Variants in PPARGC1B observed in about 807,000 individuals in gnomAD.
PPARGC1B encodes the protein PPARG coactivator 1 beta, also known as peroxisome proliferator-activated receptor gamma coactivator 1-beta.
Under a neutral mutation model 101.6 loss-of-function variants are expected in PPARGC1B, and 34 were observed. The ratio of observed to expected loss-of-function variants is 0.33; its 90% CI spans 0.25 to 0.45. The LOEUF is 0.45. Ranked by LOEUF, PPARGC1B falls within the 20% of genes least tolerant of loss-of-function variation. The pLI is 1.00. For synonymous variants in PPARGC1B, 548 were observed against 539.3 expected, an observed-to-expected ratio of 1.02 and a Z score of -0.22; for missense variants, 1,234 against 1,317.6, an observed-to-expected ratio of 0.94 and a Z score of 0.98.
chr5:149,756,700 T>C (rs909541760), intron 1 of PPARGC1B, among the ~76,000 whole-genome samples: 1 of 152,150 alleles, frequency 6.6e-6, no homozygotes, highest in Non-Finnish European at 1.5e-5. Context: ...ACTCTGCAGA[T>C]CACTTTCAGT....
At chr5:149,809,836 G>T (rs1165468062) in intron 1 of PPARGC1B, among the ~76,000 whole-genome samples, 1 of 152,110 alleles carries the variant, frequency 6.6e-6, no homozygotes, top group Non-Finnish European at 1.5e-5. Flanking sequence ...TGCTAGGTAG[G>T]CCAGAGACGG....
rs1261453245 is a variant in PPARGC1B at position 149,783,090 on chromosome 5, A to AG, written c.79-37343_79-37342insG. 2.7e-4 allele frequency among the ~76,000 whole-genome samples: 28 copies of AG among 103,218 alleles called. No individual in the cohort carries two copies. The East Asian group carries it at 5.0e-3, about 18-fold the overall frequency. 67.7% of individuals were successfully genotyped at this position (103,218 alleles called of 152,430 possible). ...TTGATGTCACACTGGAATGAGAGATAAAGAGAGAGAGAGAGAGAGATTGTT... is the reference window on the plus strand; with the variant it reads ...TTGATGTCACACTGGAATGAGAGATAGAAGAGAGAGAGAGAGAGAGATTGTT... On this transcript the variant is annotated intron_variant, in intron 1 of 11. Coordinates refer to ENST00000309241, the MANE Select transcript of PPARGC1B (RefSeq NM_133263.4).
chr5:149,814,883 G>T (rs1757994896), intron 1 of PPARGC1B, among the ~76,000 whole-genome samples: 1 of 152,236 alleles, frequency 6.6e-6, no homozygotes, highest in Non-Finnish European at 1.5e-5. Context: ...ACGGCAGGGG[G>T]TGAGCAGGCA....
chr5:149,815,294 G>A (rs1758011400), intron 1 of PPARGC1B, among the ~76,000 whole-genome samples: 1 of 152,168 alleles, frequency 6.6e-6, no homozygotes, highest in Non-Finnish European at 1.5e-5. Context: ...GGTCATTAGG[G>A]TGGGCCCTCA....
chr5:149,750,453 A>AATATAT (rs55971526), intron 1 of PPARGC1B, among the ~76,000 whole-genome samples: 1,285 of 123,006 alleles, frequency 0.01, 22 homozygotes, highest in Non-Finnish European at 0.016. Flanking sequence ...TTTTAGTTAA[A>AATATAT]ATATATATAT....
rs1194287012 is a variant in PPARGC1B at position 149,730,449 on chromosome 5, G to A, written c.78+29G>A. The A allele has an allele frequency of 6.6e-7, 1 of 1,514,148 alleles. No homozygotes were observed. The highest frequency in any genetic ancestry group is 8.9e-7 in the Non-Finnish European group (1 of 1,128,362). 93.8% of individuals were successfully genotyped at this position (1,514,148 alleles called of 1,614,324 possible). ...CGGCCGGCTGGGGCTGCGGGCCCGG[G>A]GCCAGGGGTGCTGAGCTGCGGGGGC... On this transcript the variant is annotated intron_variant, in intron 1 of 11. Transcript: ENST00000309241. The surrounding 1 kb of genome is among the most constrained non-coding windows in gnomAD (Gnocchi z 4.0).
intron 10 of PPARGC1B, among the ~76,000 whole-genome samples, chr5:149,844,851 AGT>A (rs1759492700): frequency 2.0e-5 from 3 of 152,206 alleles, no homozygotes; most frequent in Non-Finnish European, 4.4e-5. Flanking sequence ...TGTTCATGGA[AGT>A]GAAAAGTTGG....
chr5:149,743,146 G>A (rs1356375212), intron 1 of PPARGC1B, among the ~76,000 whole-genome samples: 1 of 150,430 alleles, frequency 6.6e-6, no homozygotes, highest in African/African-American at 2.4e-5. Flanking sequence ...CTTTGTTTAT[G>A]TGTTTATTCT....
At chr5:149,835,464 A>G in intron 7 of PPARGC1B, 99 bp downstream of exon 7, 1 of 1,013,020 alleles carries the variant, frequency 9.9e-7, no homozygotes, top group South Asian at 1.4e-5. Context: ...GCAATGAACG[A>G]TGCGCAAGAT....
intron 10 of PPARGC1B, among the ~76,000 whole-genome samples, chr5:149,844,358 A>G (rs1343820291): frequency 6.6e-6 from 1 of 152,232 alleles, no homozygotes; most frequent in East Asian, 1.9e-4. Context: ...GACATTAAAG[A>G]GGAAGAAGGG....
chr5:149,826,832 C>A lies in PPARGC1B; in HGVS notation c.412C>A (p.Pro138Thr), dbSNP rs761585237. Reference sequence around the variant, plus strand: ...TGCCCCCTCATCTGCACCCCCCAGCCCTGCCCCGGAGAAGCCCTCGGCCCC... The same window carrying A: ...TGCCCCCTCATCTGCACCCCCCAGCACTGCCCCGGAGAAGCCCTCGGCCCC... The part of the protein sequence containing the change: ...SPAPSSAPPS[P>T]APEKPSAPAP... The change falls in exon 3 of 12, where the codon CCT becomes ACT. Residue 138 changes from proline (P) to threonine (T), a missense_variant. Transcript: ENST00000309241. 3.7e-6 allele frequency: 6 copies of A among 1,613,842 alleles called. No individual in the cohort carries two copies. The East Asian group carries it at 1.1e-4, about 30-fold the overall frequency.
rs1443052701 is a variant in PPARGC1B at position 149,771,969 on chromosome 5, T to G, written c.78+41549T>G. 5 of 1,351,722 alleles carry G rather than the reference T, an allele frequency of 3.7e-6. No homozygotes were observed. In the East Asian group the frequency reaches 1.3e-4, roughly 36 times the overall value. The allele number at this position is 1,351,722 out of a possible 1,614,324, so 83.7% of individuals were successfully genotyped here. On this transcript the variant is annotated intron_variant, in intron 1 of 11. Transcript: ENST00000309241. ...TCTCATTTTAATCCTCAAGCAACTC[T>G]GAATTAGTTGCTGTTATCCCAGACT...
chr5:149,829,359 C>T (rs1345390306), intron 3 of PPARGC1B, among the ~76,000 whole-genome samples: 1 of 152,124 alleles, frequency 6.6e-6, no homozygotes, highest in East Asian at 1.9e-4. Flanking sequence ...GGATCATTTC[C>T]CATCGAAAAA....
chr5:149,814,250 T>G (rs562080556), intron 1 of PPARGC1B, among the ~76,000 whole-genome samples: 1 of 152,350 alleles, frequency 6.6e-6, no homozygotes, highest in East Asian at 1.9e-4. Flanking sequence ...GCCTCCCTTG[T>G]CTAGGCTTCC....
chr5:149,809,994 C>T (rs1033572157), intron 1 of PPARGC1B, among the ~76,000 whole-genome samples: 2 of 152,050 alleles, frequency 1.3e-5, no homozygotes, highest in Admixed American at 6.5e-5. Flanking sequence ...ACAGAGGCCC[C>T]GGGGTGGACA....
intron 1 of PPARGC1B, among the ~76,000 whole-genome samples, chr5:149,808,939 G>A (rs1335169274): frequency 6.6e-6 from 1 of 152,114 alleles, no homozygotes; most frequent in Admixed American, 6.6e-5. Flanking sequence ...TGGCTGCATA[G>A]CAATGTGGGT....
intron 1 of PPARGC1B, among the ~76,000 whole-genome samples, chr5:149,809,519 T>TCCATCTCTACC (rs1757763422): frequency 8.0e-6 from 1 of 125,236 alleles, no homozygotes; most frequent in African/African-American, 2.8e-5. Context: ...GATAGATAGA[T>TCCATCTCTACC]AGATAGATAA....
downstream of PPARGC1B, among the ~76,000 whole-genome samples, chr5:149,855,506 G>A (rs900497264): frequency 6.6e-6 from 1 of 152,240 alleles, no homozygotes; most frequent in East Asian, 1.9e-4. Context: ...TGGCATTGTG[G>A]TTCCAGGCAA....
At chr5:149,810,882 C>T (rs1307755671) in intron 1 of PPARGC1B, among the ~76,000 whole-genome samples, 2 of 152,014 alleles carry the variant, frequency 1.3e-5, no homozygotes, top group Non-Finnish European at 2.9e-5. Context: ...CAGACCCTTC[C>T]GGTACACAAA....
Sources: allele counts gnomAD v4.1 joint callset (sites outside exome capture counted in the v4.1 genomes callset), GRCh38; gene constraint gnomAD v4.1.1; non-coding constraint Gnocchi (gnomAD v3.1); transcripts MANE v1.5; gene names NCBI Gene and HGNC (gene_info 2026-07-23, HGNC 2026-07-21).